Variants in GATAD1 observed in about 807,000 individuals in gnomAD.
GATAD1 encodes GATA zinc finger domain containing 1.
GATAD1 carries 12 observed loss-of-function variants against 26.5 expected under a neutral mutation model. The observed-to-expected ratio is 0.45, with a 90% CI of 0.29 to 0.73. GATAD1 has a LOEUF of 0.73. GATAD1 is among the 30% of genes least tolerant of loss of function. GATAD1 has a pLI of 0.10. For synonymous variants in GATAD1, 129 were observed against 133.1 expected, an observed-to-expected ratio of 0.97 and a Z score of 0.21; for missense variants, 266 against 342.1, an observed-to-expected ratio of 0.78 and a Z score of 1.75.
chr7:92,469,269 T>C, the GATAD1 span: 2 of 764,240 alleles, frequency 2.6e-6, no homozygotes, highest in African/African-American at 1.7e-5. Flanking sequence ...GGGAGTTAAG[T>C]TGATCTTGCA....
chr7:92,449,632 AG>A (rs1262786986), intron 2 of GATAD1: 1 of 979,150 alleles, frequency 1.0e-6, no homozygotes, highest in Non-Finnish European at 1.2e-6. Flanking sequence ...TAAAACACAA[AG>A]GGACCCTGCA....
chr7:92,486,024 A>G, the GATAD1 span, among the ~76,000 whole-genome samples: 1 of 152,234 alleles, frequency 6.6e-6, no homozygotes, highest in Non-Finnish European at 1.5e-5. Flanking sequence ...TATGGATGTC[A>G]ATCGGCTGTC....
At chr7:92,489,258 G>A in the GATAD1 span, 1 of 1,583,624 alleles carries the variant, frequency 6.3e-7, no homozygotes, top group Non-Finnish European at 8.7e-7. Flanking sequence ...ACTTGTAATA[G>A]TAGCTGTACT....
chr7:92,489,694 T>C, the GATAD1 span: 2 of 1,601,182 alleles, frequency 1.2e-6, no homozygotes, highest in Non-Finnish European at 1.7e-6. Context: ...ACAATTATAA[T>C]GAGGGGGAAA....
chr7:92,468,617 C>T, the GATAD1 span: 5 of 561,276 alleles, frequency 8.9e-6, no homozygotes, highest in Non-Finnish European at 1.3e-5. Flanking sequence ...AAGTTGCAAG[C>T]CCCGTGTTTA....
the GATAD1 span, among the ~76,000 whole-genome samples, chr7:92,486,278 C>T: frequency 2.0e-5 from 3 of 152,316 alleles, no homozygotes; most frequent in South Asian, 6.2e-4. Context: ...AGCAATTTGT[C>T]CTTCCTGGAG....
At chr7:92,489,203 T>G in the GATAD1 span, 1 of 1,190,450 alleles carries the variant, frequency 8.4e-7, no homozygotes. Context: ...CAAAATATTT[T>G]TATTTTAAAC....
chr7:92,484,623 A>C, the GATAD1 span, among the ~76,000 whole-genome samples: 4 of 152,176 alleles, frequency 2.6e-5, no homozygotes, highest in East Asian at 7.7e-4. Flanking sequence ...AAGGACAGGG[A>C]GATTGAAGGG....
Position 92,458,231 on chromosome 7 carries a change from T to C in GATAD1, c.*1669T>C, listed in dbSNP as rs1789769276. The C allele has an allele frequency of 6.6e-6, 1 of 152,214 alleles. No homozygotes were observed. The highest frequency in any genetic ancestry group is 2.1e-4 in the South Asian group (1 of 4,824). 9.4% of individuals were successfully genotyped at this position (152,214 alleles called of 1,614,324 possible). On this transcript the variant is annotated 3_prime_UTR_variant, in exon 5 of 5. Transcript: ENST00000287957. ...ATCTTAATAAAGCTGCTCTTTACTG[T>C]TTCTAGTCAAAAATGAGACTTCGAT...
chr7:92,482,448 G>A, the GATAD1 span, among the ~76,000 whole-genome samples: 1 of 152,168 alleles, frequency 6.6e-6, no homozygotes, highest in African/African-American at 2.4e-5. Flanking sequence ...TGTATGGAGA[G>A]TTTATAGGTT....
In GATAD1 at chr7:92,456,633, C is replaced by G; in HGVS notation, c.*71C>G. 3 of 900,876 alleles carry G rather than the reference C, an allele frequency of 3.3e-6. No individual in the cohort carries two copies. In the South Asian group the frequency reaches 5.2e-5, roughly 16 times the overall value. 55.8% of individuals were successfully genotyped at this position (900,876 alleles called of 1,614,324 possible). ...GCCTGTAGCCCCAGCTATTGCACCA[C>G]TGCTCTCCAAGCTGGGCAATGGAGT... On this transcript the variant is annotated 3_prime_UTR_variant, in exon 5 of 5. Transcript: ENST00000287957.
At chr7:92,474,131 G>C in the GATAD1 span, among the ~76,000 whole-genome samples, 1 of 152,110 alleles carries the variant, frequency 6.6e-6, no homozygotes, top group South Asian at 2.1e-4. Context: ...TGAGGGTCAT[G>C]ACTAAAGCGG....
the GATAD1 span, among the ~76,000 whole-genome samples, chr7:92,475,796 C>T: frequency 1.5e-3 from 229 of 152,292 alleles, 1 homozygote; most frequent in Non-Finnish European, 2.5e-3. Flanking sequence ...TTATAACAAC[C>T]CAGCTGCCCC....
chr7:92,482,835 T>C, the GATAD1 span, among the ~76,000 whole-genome samples: 1 of 151,148 alleles, frequency 6.6e-6, no homozygotes, highest in African/African-American at 2.4e-5. Context: ...GGCACCAGAG[T>C]GGGGGAGTTT....
Position 92,447,734 on chromosome 7 carries a change from C to A in GATAD1, c.5C>A (p.Pro2Gln). Reference sequence around the variant, plus strand: ...GGGCCGCCCGAGCCGGCCACCATGCCGCTGGGCCTGAAGCCCACCTGCAGC... The same window carrying A: ...GGGCCGCCCGAGCCGGCCACCATGCAGCTGGGCCTGAAGCCCACCTGCAGC... Reference protein sequence around the residue: MPLGLKPTCSVC... With the variant: MQLGLKPTCSVC... The change falls in exon 1 of 5, where the codon CCG (proline) becomes CAG (glutamine). Residue 2 changes from proline (P) to glutamine (Q), a missense_variant. By Grantham distance (76) the Pro-to-Gln change is moderately conservative (BLOSUM62 -1). Coordinates refer to ENST00000287957, the MANE Select transcript of GATAD1 (RefSeq NM_021167.5). 2 of 1,480,734 alleles carry A rather than the reference C, an allele frequency of 1.4e-6. No homozygotes were observed. The highest frequency in any genetic ancestry group is 1.8e-6 in the Non-Finnish European group (2 of 1,114,824). 91.7% of individuals were successfully genotyped at this position (1,480,734 alleles called of 1,614,324 possible).
At chr7:92,466,426 G>A in the GATAD1 span, among the ~76,000 whole-genome samples, 1 of 152,140 alleles carries the variant, frequency 6.6e-6, no homozygotes, top group East Asian at 1.9e-4. Context: ...CTCCCAAAGG[G>A]TTGTGATTAC....
At chr7:92,449,097 A>G (rs927169073) in intron 2 of GATAD1, 4 of 1,171,644 alleles carry the variant, frequency 3.4e-6, no homozygotes, top group African/African-American at 1.5e-5. Flanking sequence ...TTTAGCTTTT[A>G]TTTTTTCCCC....
At chr7:92,476,797 C>T in the GATAD1 span, among the ~76,000 whole-genome samples, 7 of 152,088 alleles carry the variant, frequency 4.6e-5, no homozygotes, top group East Asian at 1.9e-4. Context: ...GAGCTGTATG[C>T]CTAAATTGGG....
chr7:92,447,720 G>A lies in GATAD1; in HGVS notation c.-10G>A, dbSNP rs1789212575. The A allele has an allele frequency of 2.1e-6, 3 of 1,459,796 alleles. No homozygotes were observed. The highest frequency in any genetic ancestry group is 2.8e-5 in the Admixed American group (1 of 36,108). 90.4% of individuals were successfully genotyped at this position (1,459,796 alleles called of 1,614,324 possible). On this transcript the variant is annotated 5_prime_UTR_variant, in exon 1 of 5. Coordinates refer to ENST00000287957, the MANE Select transcript of GATAD1 (RefSeq NM_021167.5). ...CTCTGCGCCCGCGGGGGCCGCCCGA[G>A]CCGGCCACCATGCCGCTGGGCCTGA...
Sources: allele counts gnomAD v4.1 joint callset (sites outside exome capture counted in the v4.1 genomes callset), GRCh38; gene constraint gnomAD v4.1.1; transcripts MANE v1.5; gene names NCBI Gene and HGNC (gene_info 2026-07-23, HGNC 2026-07-21).